Variants in LRRC7 observed in about 807,000 individuals in gnomAD.
LRRC7 encodes the protein leucine-rich repeat-containing protein 7.
LRRC7 carries 23 observed loss-of-function variants against 175.7 expected under a neutral mutation model. The observed-to-expected ratio is 0.13, with a 90% CI of 0.09 to 0.19. The LOEUF is 0.19. Ranked by LOEUF, LRRC7 falls within the 10% of genes least tolerant of loss-of-function variation. The probability of loss-of-function intolerance (pLI) is 1.00; values close to 1 mark genes in which losing one functional copy is unlikely to be tolerated. For synonymous variants in LRRC7, 685 were observed against 680.9 expected (o/e 1.01, Z -0.09); for missense variants, 1,354 against 1,904.7 (o/e 0.71, Z 5.38).
At chr1:70,003,156 G>T (rs183947756) in intron 11 of LRRC7, among the ~76,000 whole-genome samples, 3 of 152,178 alleles carry the variant, frequency 2.0e-5, no homozygotes, top group Admixed American at 6.5e-5. Flanking sequence ...TCTTTGCATG[G>T]GTTGGTTGTC....
At chr1:69,952,265 C>T (rs1650017412) in intron 8 of LRRC7, among the ~76,000 whole-genome samples, 1 of 151,990 alleles carries the variant, frequency 6.6e-6, no homozygotes, top group African/African-American at 2.4e-5. Context: ...CCAGTATATT[C>T]TAGAACTTAT....
chr1:69,905,948 T>A (rs1015152857), intron 7 of LRRC7, among the ~76,000 whole-genome samples: 2 of 152,226 alleles, frequency 1.3e-5, no homozygotes, highest in African/African-American at 4.8e-5. Context: ...ATGATCACCA[T>A]CCTAACTGGT....
chr1:70,105,291 C>T (rs17131204), intron 25 of LRRC7, among the ~76,000 whole-genome samples: 19,823 of 152,114 alleles, frequency 0.13, 1,820 homozygotes, highest in African/African-American at 0.26. Context: ...TTGGCCAACG[C>T]TGTTAAAGCA....
At chr1:69,944,073 C>T (rs1432429573) in intron 8 of LRRC7, among the ~76,000 whole-genome samples, 1 of 151,886 alleles carries the variant, frequency 6.6e-6, no homozygotes, top group East Asian at 1.9e-4. Context: ...CAGCAGATCT[C>T]TAGAACTTTT....
At chr1:69,916,691 A>T (rs1646728261) in intron 7 of LRRC7, among the ~76,000 whole-genome samples, 1 of 152,242 alleles carries the variant, frequency 6.6e-6, no homozygotes, top group Non-Finnish European at 1.5e-5. Flanking sequence ...TTACTGGTAA[A>T]GAATCATTCA....
intron 10 of LRRC7, among the ~76,000 whole-genome samples, chr1:69,993,308 T>C (rs1055320622): frequency 6.6e-6 from 1 of 152,200 alleles, no homozygotes; most frequent in African/African-American, 2.4e-5. Context: ...CTGATAGTGA[T>C]AACATTTCTC....
In LRRC7 at chr1:70,076,088, C is replaced by T. The variant is rs755314552; in HGVS notation, c.4242C>T (p.His1414=). ...TATCTTCTCCACAGGCAGGCAGCCACATCCAGACGTTGATGGGGTCCCAAA... is the reference window on the plus strand; with the variant it reads ...TATCTTCTCCACAGGCAGGCAGCCATATCCAGACGTTGATGGGGTCCCAAA... The part of the protein sequence containing the change: ...PDTITKKAGS[H]IQTLMGSQSL... Residue 1414 remains histidine (H), a synonymous_variant, in exon 24 of 27, where the codon CAC becomes CAT. Coordinates refer to ENST00000651989, the MANE Select transcript of LRRC7 (RefSeq NM_001370785.2). 11 of 1,613,548 alleles carry T rather than the reference C, an allele frequency of 6.8e-6. No homozygotes were observed. Among genetic ancestry groups the T allele is most frequent in the Non-Finnish European group, 8.5e-6 (10 of 1,179,950 alleles).
At position 70,039,068 on chromosome 1, in the gene LRRC7, G is replaced by A. The variant is rs1266171023; in HGVS notation, c.3244G>A (p.Ala1082Thr). Residue 1082 changes from alanine to threonine, a missense_variant, in exon 21 of 27, where the codon GCC (alanine) becomes ACC (threonine). Physicochemically the swap from Ala to Thr is moderately conservative, Grantham distance 58. Around this residue, in one of 4 missense-constraint regions of LRRC7, gnomAD observed 1,032 missense variants for 1,227.2 expected, o/e 0.84. Transcript: ENST00000651989. ...TCCTCAAGGATCAGTGGAAGTGAAAGCCGAAAAGAGGATACCACCCCCTTT... is the reference window on the plus strand; with the variant it reads ...TCCTCAAGGATCAGTGGAAGTGAAAACCGAAAAGAGGATACCACCCCCTTT... ...FNPQGSVEVKAEKRIPPPFQH... is the reference protein window; with the variant it reads ...FNPQGSVEVKTEKRIPPPFQH... 2.5e-6 allele frequency: 4 copies of A among 1,613,962 alleles called. No individual in the cohort carries two copies. The highest frequency in any genetic ancestry group is 1.7e-5 in the Admixed American group (1 of 59,982).
chr1:69,823,848 T>C (rs1679589612), intron 4 of LRRC7, among the ~76,000 whole-genome samples: 1 of 152,146 alleles, frequency 6.6e-6, no homozygotes, highest in Non-Finnish European at 1.5e-5. Context: ...AAACCATTCA[T>C]ATAATCACTA....
At chr1:69,587,779 T>A (rs1557440797) in intron 1 of LRRC7, among the ~76,000 whole-genome samples, 1 of 152,118 alleles carries the variant, frequency 6.6e-6, no homozygotes, top group Non-Finnish European at 1.5e-5. Context: ...TATTATTATC[T>A]CTCTCTCCTG....
chr1:69,805,821 T>C (rs1050465203), intron 4 of LRRC7, among the ~76,000 whole-genome samples: 1 of 151,896 alleles, frequency 6.6e-6, no homozygotes, highest in Non-Finnish European at 1.5e-5. Context: ...AAATAATGCC[T>C]TATGTGTTTC....
At chr1:70,079,174 T>A (rs577291129) in intron 24 of LRRC7, among the ~76,000 whole-genome samples, 1 of 152,312 alleles carries the variant, frequency 6.6e-6, no homozygotes, top group African/African-American at 2.4e-5. Context: ...ATGGAGAACA[T>A]TTAAAACATG....
At chr1:69,931,301 A>T (rs193040174) in intron 7 of LRRC7, among the ~76,000 whole-genome samples, 1 of 152,178 alleles carries the variant, frequency 6.6e-6, no homozygotes, top group Non-Finnish European at 1.5e-5. Flanking sequence ...TGCCAACCAT[A>T]TTGGCATTTG....
intron 2 of LRRC7, among the ~76,000 whole-genome samples, chr1:69,733,483 A>G (rs978751496): frequency 1.3e-5 from 2 of 152,078 alleles, no homozygotes; most frequent in Non-Finnish European, 2.9e-5. Context: ...TTTTCAACTC[A>G]TGTTTCCTTA....
rs148960100 is a variant in LRRC7, at chr1:70,052,497, C to T, written c.4111-529C>T. On this transcript the variant is annotated intron_variant, in intron 22 of 26. Coordinates refer to ENST00000651989, the MANE Select transcript of LRRC7 (RefSeq NM_001370785.2). ...TCCCCCCAAAGCTATTTGTTGATAA[C>T]GCCATAGTACCATAAATCTTGCACT... Among the ~76,000 whole-genome samples, 568 of 152,084 alleles carry T rather than the reference C, an allele frequency of 3.7e-3. 2 individuals are homozygous for T. Among genetic ancestry groups the T allele is most frequent in the African/African-American group, 0.01 (431 of 41,520 alleles).
intron 1 of LRRC7, among the ~76,000 whole-genome samples, chr1:69,596,356 T>C (rs1646845137): frequency 6.6e-6 from 1 of 152,208 alleles, no homozygotes. Context: ...TTATTGTTAA[T>C]GACTGTGCAA....
chr1:70,097,233 A>G (rs985219002), intron 25 of LRRC7, among the ~76,000 whole-genome samples: 3 of 152,166 alleles, frequency 2.0e-5, no homozygotes, highest in Non-Finnish European at 4.4e-5. Context: ...TCACAACTGT[A>G]GTGTCTTCTG....
Position 69,765,211 on chromosome 1 carries a change from G to A in LRRC7, c.303+4818G>A, listed in dbSNP as rs369322741. 1.5e-3 allele frequency among the ~76,000 whole-genome samples: 225 copies of A among 152,118 alleles called. 1 individual carries two copies. Among genetic ancestry groups the A allele is most frequent in the African/African-American group, 5.2e-3 (215 of 41,514 alleles). On this transcript the variant is annotated intron_variant, in intron 3 of 26. Coordinates refer to ENST00000651989, the MANE Select transcript of LRRC7 (RefSeq NM_001370785.2). ...TTTAGTCCCCAATTTTTACTGATAC[G>A]TAAGTCCAAAGGGAAAAGTTAATTG...
chr1:69,629,631 C>T (rs1334692975), intron 1 of LRRC7, among the ~76,000 whole-genome samples: 3 of 152,124 alleles, frequency 2.0e-5, no homozygotes, highest in Non-Finnish European at 4.4e-5. Context: ...TCTATTTTGA[C>T]ATAGTTTTGA....
Sources: allele counts gnomAD v4.1 joint callset (sites outside exome capture counted in the v4.1 genomes callset), GRCh38; gene constraint gnomAD v4.1.1; regional missense constraint gnomAD v4.1.1; transcripts MANE v1.5; gene names NCBI Gene and HGNC (gene_info 2026-07-23, HGNC 2026-07-21).